ACER2: variants seen among roughly 807,000 people sequenced by gnomAD.
ACER2 encodes alkaline ceramidase 2.
A neutral mutation model predicts 34.7 loss-of-function variants in ACER2; 26 were observed. That is an observed-to-expected ratio of 0.75 (90% confidence interval 0.55 to 1.04). The LOEUF (loss-of-function observed/expected upper bound fraction) is 1.04. Among genes scored for constraint, ACER2 ranks in the 50% least tolerant of loss-of-function variants. The pLI is 0.00. For missense variants in ACER2, 352 were observed against 340.8 expected (o/e 1.03, Z -0.26); for synonymous variants, 138 against 132.1 (o/e 1.04, Z -0.31).
Position 19,409,069 on chromosome 9 carries a change from A to G in ACER2, c.-16A>G, listed in dbSNP as rs1295795948. 4 of 1,563,202 alleles carry G rather than the reference A, an allele frequency of 2.6e-6. No homozygotes were observed. Among genetic ancestry groups the G allele is most frequent in the Non-Finnish European group, 3.5e-6 (4 of 1,154,542 alleles). On this transcript the variant is annotated 5_prime_UTR_variant, in exon 1 of 6. An upstream start codon of the reference 5' UTR is lost. Coordinates refer to ENST00000340967, the MANE Select transcript of ACER2 (RefSeq NM_001010887.3). ...CTCAGCTGCGCGAGCAGCTGCTCCA[A>G]TGCCCCGGAGTGGCCATGGGCGCCC...
At chr9:19,425,287 CT>C (rs1240674670) in intron 3 of ACER2, among the ~76,000 whole-genome samples, 1 of 151,290 alleles carries the variant, frequency 6.6e-6, no homozygotes. Context: ...TTCAAGTTGC[CT>C]TTTTTTTTGC....
At chr9:19,437,112 CA>C (rs1831002521) in intron 4 of ACER2, among the ~76,000 whole-genome samples, 1 of 152,202 alleles carries the variant, frequency 6.6e-6, no homozygotes, top group African/African-American at 2.4e-5. Flanking sequence ...GTTCAGCTGT[CA>C]TCACTCTGCA....
chr9:19,437,278 C>G (rs1736599218), intron 4 of ACER2, among the ~76,000 whole-genome samples: 1 of 152,156 alleles, frequency 6.6e-6, no homozygotes, highest in Non-Finnish European at 1.5e-5. Flanking sequence ...TCCCTCAGTG[C>G]CTTTCCCAAA....
intron 4 of ACER2, among the ~76,000 whole-genome samples, chr9:19,437,974 G>T (rs1375788566): frequency 6.6e-6 from 1 of 152,168 alleles, no homozygotes; most frequent in Non-Finnish European, 1.5e-5. Context: ...GTGGAACTCT[G>T]AATTTTCCAT....
At chr9:19,436,034 G>A (rs1433254440) in intron 4 of ACER2, among the ~76,000 whole-genome samples, 4 of 152,086 alleles carry the variant, frequency 2.6e-5, no homozygotes, top group Admixed American at 6.5e-5. Context: ...GGGTGACAGA[G>A]CGAGACTCTA....
chr9:19,440,252 T>A (rs192673209), intron 4 of ACER2, among the ~76,000 whole-genome samples: 1 of 152,304 alleles, frequency 6.6e-6, no homozygotes, highest in East Asian at 1.9e-4. Context: ...CTTTTCAGTC[T>A]CTTGCGTAGA....
intron 1 of ACER2, among the ~76,000 whole-genome samples, chr9:19,421,772 A>G (rs575195260): frequency 6.7e-6 from 1 of 149,770 alleles, no homozygotes; most frequent in Admixed American, 6.6e-5. Context: ...CAATTTTTTA[A>G]AGTTCAGAAA....
chr9:19,443,165 G>A (rs751516199), intron 4 of ACER2, among the ~76,000 whole-genome samples: 1 of 152,164 alleles, frequency 6.6e-6, no homozygotes, highest in African/African-American at 2.4e-5. Context: ...GGAGTAGCTG[G>A]GACTTCAGGT....
At position 19,423,655 on chromosome 9, in the gene ACER2, C is replaced by T. The variant is rs529574069; in HGVS notation, c.109-207C>T. Among the ~76,000 whole-genome samples, 5 of 152,246 alleles carry T rather than the reference C, an allele frequency of 3.3e-5. No individual in the cohort carries two copies. The South Asian group carries it at 6.2e-4, about 19-fold the overall frequency. ...GGTAGAGGTTGCAGTGAGCCAAGAT[C>T]GTACCACTGCATTTCAGCCTTCCAG... On this transcript the variant is annotated intron_variant, in intron 1 of 5. Transcript: ENST00000340967.
rs552141129 is a variant in ACER2 at position 19,449,164 on chromosome 9, A to G, written c.642-1286A>G. 2.0e-5 allele frequency among the ~76,000 whole-genome samples: 3 copies of G among 152,354 alleles called. No homozygotes were observed. The East Asian group carries it at 5.8e-4, about 29-fold the overall frequency. On this transcript the variant is annotated intron_variant, in intron 5 of 5. Coordinates refer to ENST00000340967, the MANE Select transcript of ACER2 (RefSeq NM_001010887.3). ...AAAAATAAAACAGTTTATATTCAGC[A>G]TCTAGGCTTGGCACATAGTAGACAG... is the stretch of plus-strand genomic sequence containing the variant.
chr9:19,434,374 G>C (rs1050568660), intron 3 of ACER2, among the ~76,000 whole-genome samples: 5 of 144,512 alleles, frequency 3.5e-5, no homozygotes, highest in African/African-American at 1.3e-4. Context: ...ACGGGGTGGC[G>C]GCCGGGCAGA....
At chr9:19,434,604 C>G (rs1830896473) in intron 3 of ACER2, among the ~76,000 whole-genome samples, 1 of 152,230 alleles carries the variant, frequency 6.6e-6, no homozygotes. Context: ...AACCCCGTCT[C>G]CACCAAAAAA....
intron 1 of ACER2, among the ~76,000 whole-genome samples, chr9:19,416,718 A>G (rs1256024298): frequency 6.6e-6 from 1 of 151,096 alleles, no homozygotes; most frequent in African/African-American, 2.4e-5. Flanking sequence ...CTTTTAGTAG[A>G]GACAGGGTTT....
At chr9:19,432,596 A>C (rs1396024953) in intron 3 of ACER2, among the ~76,000 whole-genome samples, 8 of 149,044 alleles carry the variant, frequency 5.4e-5, no homozygotes, top group African/African-American at 1.5e-4. Flanking sequence ...ATGATTTATT[A>C]AATATAATTT....
At chr9:19,413,352 A>G (rs555545587) in intron 1 of ACER2, among the ~76,000 whole-genome samples, 62 of 152,352 alleles carry the variant, frequency 4.1e-4, no homozygotes, top group African/African-American at 1.5e-3. Flanking sequence ...TAATCCCAGC[A>G]CTTTGGGAGG....
chr9:19,428,598 A>T (rs1201931657), intron 3 of ACER2, among the ~76,000 whole-genome samples: 1 of 152,016 alleles, frequency 6.6e-6, no homozygotes, highest in Non-Finnish European at 1.5e-5. Flanking sequence ...TTAACCTAAA[A>T]AAAAAAGGCT....
At chr9:19,445,145 A>G (rs1402795966) in intron 4 of ACER2, among the ~76,000 whole-genome samples, 1 of 152,228 alleles carries the variant, frequency 6.6e-6, no homozygotes, top group Non-Finnish European at 1.5e-5. Context: ...ACGCTCAGCC[A>G]CCAGCTGCCC....
chr9:19,425,404 G>C (rs1830532291), intron 3 of ACER2, among the ~76,000 whole-genome samples: 1 of 152,170 alleles, frequency 6.6e-6, no homozygotes, highest in South Asian at 2.1e-4. Context: ...TTCAGGAAGG[G>C]ATGCATTTTA....
intron 1 of ACER2, chr9:19,409,649 C>T: frequency 1.4e-6 from 1 of 739,424 alleles, no homozygotes; most frequent in South Asian, 6.1e-5. Flanking sequence ...CCCCGCAGGT[C>T]CCCGCGGCTG....
Sources: gnomAD v4.1 joint callset for allele counts (sites outside exome capture counted in the v4.1 genomes callset) on GRCh38, gnomAD v4.1.1 for gene constraint, MANE v1.5 for transcripts, NCBI Gene and HGNC (gene_info 2026-07-23, HGNC 2026-07-21) for gene names.